PNOC: variants seen among roughly 807,000 people sequenced by gnomAD.
PNOC encodes nociceptin.
In PNOC, 10 loss-of-function variants were observed where a neutral mutation model predicts 15.6. The ratio of observed to expected loss-of-function variants is 0.64; its 90% CI spans 0.40 to 1.09. The LOEUF (loss-of-function observed/expected upper bound fraction) is 1.09. PNOC is among the 50% of genes least tolerant of loss of function. The pLI, the probability that PNOC is intolerant of heterozygous loss-of-function variation, is 0.01. For missense variants in PNOC, 220 were observed against 223.9 expected (o/e 0.98, Z 0.11); for synonymous variants, 98 against 88.5 (o/e 1.11, Z -0.60).
intron 1 of PNOC, among the ~76,000 whole-genome samples, chr8:28,325,686 AG>A (rs66590743): frequency 0.29 from 41,821 of 143,424 alleles, 7,725 homozygotes; most frequent in Non-Finnish European, 0.43. Context: ...AAAAAAAAAA[AG>A]AAAGACATTA....
At position 28,343,067 on chromosome 8, in the gene PNOC, C is replaced by G; in HGVS notation, c.*173C>G. On this transcript the variant is annotated 3_prime_UTR_variant, in exon 4 of 4. Coordinates refer to ENST00000301908, the MANE Select transcript of PNOC (RefSeq NM_006228.5). ...CGCAGGCTTCGTTTGCCTCCAGAAC[C>G]TTCCCGTCTGATTGTTCCTCCCCAG... 1 of 858,228 alleles carries G rather than the reference C, an allele frequency of 1.2e-6. No individual in the cohort carries two copies. Among genetic ancestry groups the G allele is most frequent in the Non-Finnish European group, 1.4e-6 (1 of 713,324 alleles). 53.2% of individuals were successfully genotyped at this position (858,228 alleles called of 1,614,324 possible).
Position 28,339,486 on chromosome 8 carries a change from C to G in PNOC, c.*42C>G. On this transcript the variant is annotated 3_prime_UTR_variant, in exon 3 of 4. Coordinates refer to ENST00000301908, the MANE Select transcript of PNOC (RefSeq NM_006228.5). ...TCCCAGCTGTACCGGCCACTGCAAC[C>G]CATGAGTGAGTTGGGCACCAATAAG... 1 of 1,498,988 alleles carries G rather than the reference C, an allele frequency of 6.7e-7. No homozygotes were observed. The highest frequency in any genetic ancestry group is 1.3e-5 in the South Asian group (1 of 74,258). The allele number at this position is 1,498,988 out of a possible 1,614,324, so 92.9% of individuals were successfully genotyped here. A position where few individuals can be genotyped will look rare whatever the true frequency, so the allele number is the denominator to read the frequency against.
intron 3 of PNOC, among the ~76,000 whole-genome samples, chr8:28,342,140 T>C (rs765002926): frequency 4.6e-5 from 7 of 151,842 alleles, no homozygotes; most frequent in Non-Finnish European, 8.8e-5. Flanking sequence ...AGGTCAGAAG[T>C]TTGAGACCAG....
intron 2 of PNOC, chr8:28,338,835 T>C: frequency 2.7e-6 from 3 of 1,094,328 alleles, no homozygotes; most frequent in East Asian, 2.9e-5. Context: ...TGTAAAATGA[T>C]GGAGCTGGGT....
chr8:28,332,999 T>C (rs534049042), intron 2 of PNOC, among the ~76,000 whole-genome samples: 1 of 152,306 alleles, frequency 6.6e-6, no homozygotes, highest in African/African-American at 2.4e-5. Context: ...CGAGCTACCT[T>C]CTGGTAGTTC....
At chr8:28,330,400 T>TTTTA (rs1801309148) in intron 2 of PNOC, among the ~76,000 whole-genome samples, 44 of 102,242 alleles carry the variant, frequency 4.3e-4, no homozygotes, top group South Asian at 6.3e-4. Flanking sequence ...TATTTTATTT[T>TTTTA]TTTTTTTTTT....
intron 2 of PNOC, among the ~76,000 whole-genome samples, chr8:28,330,401 T>TTTTA (rs1554517541): frequency 0.013 from 538 of 41,670 alleles, 4 homozygotes; most frequent in East Asian, 0.034. Context: ...ATTTTATTTT[T>TTTTA]TTTTTTTTTT....
chr8:28,331,028 T>C (rs894829262), intron 2 of PNOC, among the ~76,000 whole-genome samples: 1 of 152,112 alleles, frequency 6.6e-6, no homozygotes, highest in Non-Finnish European at 1.5e-5. Context: ...ACCGAGTATT[T>C]GCAGGGGGAC....
At chr8:28,322,268 T>C (rs1353745905) in intron 1 of PNOC, among the ~76,000 whole-genome samples, 2 of 151,892 alleles carry the variant, frequency 1.3e-5, no homozygotes, top group Admixed American at 1.3e-4. Flanking sequence ...GGCGGGCACC[T>C]GTAATCCCAG....
At chr8:28,324,574 A>C (rs908335507) in intron 1 of PNOC, among the ~76,000 whole-genome samples, 4 of 152,214 alleles carry the variant, frequency 2.6e-5, no homozygotes, top group African/African-American at 9.6e-5. Context: ...GTAGAATGAG[A>C]AATGTAAGGC....
intron 1 of PNOC, among the ~76,000 whole-genome samples, chr8:28,318,406 C>T (rs1801093994): frequency 1.3e-5 from 2 of 152,200 alleles, no homozygotes; most frequent in Admixed American, 6.5e-5. Flanking sequence ...CATTGTTCGG[C>T]AGACTAACAA....
chr8:28,320,092 C>CTT (rs34876964), intron 1 of PNOC, among the ~76,000 whole-genome samples: 1,457 of 29,664 alleles, frequency 0.049, 402 homozygotes, highest in Non-Finnish European at 0.061. Context: ...TTCTTTCTTT[C>CTT]TTTTTTTTTT....
At chr8:28,317,022 C>T (rs1199415960), upstream of PNOC, 1 of 152,352 alleles carries the variant, frequency 6.6e-6, no homozygotes, top group East Asian at 1.9e-4. Context: ...ACAGGGAAGG[C>T]AGCTGTGGGA....
chr8:28,319,144 C>T (rs991754079), intron 1 of PNOC, among the ~76,000 whole-genome samples: 1 of 152,140 alleles, frequency 6.6e-6, no homozygotes, highest in Non-Finnish European at 1.5e-5. Flanking sequence ...GCCATTATCT[C>T]GGTGTTGCAG....
chr8:28,329,628 A>T (rs2614104), intron 2 of PNOC, among the ~76,000 whole-genome samples: 49,070 of 152,088 alleles, frequency 0.32, 9,875 homozygotes, highest in Non-Finnish European at 0.46. Flanking sequence ...TCAGAGAAAG[A>T]ATCCTACTTT....
intron 1 of PNOC, among the ~76,000 whole-genome samples, chr8:28,317,647 A>T (rs1585821180): frequency 6.6e-6 from 1 of 151,848 alleles, no homozygotes; most frequent in Non-Finnish European, 1.5e-5. Context: ...CTGCTGGAGG[A>T]GTGAGGCCAG....
Position 28,343,173 on chromosome 8 carries a change from C to T in PNOC, c.*279C>T, listed in dbSNP as rs182886402. On this transcript the variant is annotated 3_prime_UTR_variant, in exon 4 of 4. Coordinates refer to ENST00000301908, the MANE Select transcript of PNOC (RefSeq NM_006228.5). ...TTCCTCTAGCTACCATTTCAATAGC[C>T]CCATCTCTCCTGCTCACCCGCCTCT... is the stretch of plus-strand genomic sequence containing the variant. 5.8e-6 allele frequency: 1 copy of T among 172,960 alleles called. No individual in the cohort carries two copies. Among genetic ancestry groups the T allele is most frequent in the Non-Finnish European group, 1.2e-5 (1 of 86,526 alleles). The allele number at this position is 172,960 out of a possible 1,614,324, so 10.7% of individuals were successfully genotyped here. A position where few individuals can be genotyped will look rare whatever the true frequency, so the allele number is the denominator to read the frequency against.
At chr8:28,341,101 G>A (rs73570762) in intron 3 of PNOC, among the ~76,000 whole-genome samples, 3,706 of 152,274 alleles carry the variant, frequency 0.024, 160 homozygotes, top group African/African-American at 0.085. Context: ...TTTAAGTTGC[G>A]TCCCATGTGT....
chr8:28,330,400 T>TATTATTTTTTTTTTTTTA (rs1431540071), intron 2 of PNOC, among the ~76,000 whole-genome samples: 5 of 102,228 alleles, frequency 4.9e-5, no homozygotes, highest in Non-Finnish European at 1.0e-4. Context: ...TATTTTATTT[T>TATTATTTTTTTTTTTTTA]TTTTTTTTTT....
Sources: gnomAD v4.1 joint callset for allele counts (sites outside exome capture counted in the v4.1 genomes callset) on GRCh38, gnomAD v4.1.1 for gene constraint, MANE v1.5 for transcripts, NCBI Gene and HGNC (gene_info 2026-07-23, HGNC 2026-07-21) for gene names.